The following ACAD11 variants were observed in gnomAD, a reference collection of about 807,000 sequenced individuals.
The protein encoded by ACAD11 is acyl-CoA dehydrogenase family member 11, also known as acyl-Coenzyme A dehydrogenase family, member 11.
In ACAD11, 83 loss-of-function variants were observed where a neutral mutation model predicts 102.2. That is an observed-to-expected ratio of 0.81 (90% CI 0.68 to 0.97). The LOEUF (loss-of-function observed/expected upper bound fraction) is 0.97. ACAD11 is among the 50% of genes least tolerant of loss of function. ACAD11 has a pLI of 0.00. For missense variants in ACAD11, 901 were observed against 951.7 expected, an observed-to-expected ratio of 0.95 and a Z score of 0.70; for synonymous variants, 324 against 319.8, an observed-to-expected ratio of 1.01 and a Z score of -0.14.
rs545326953 is a variant in ACAD11 at position 132,642,084 on chromosome 3, C to A, written c.425G>T (p.Arg142Leu). Reference protein sequence around the residue: ...LTIPGLSPAERSAIYVATVET... With the variant: ...LTIPGLSPAELSAIYVATVET... ...TACCGTGGCCACATATATGGCTGAA[C>A]GTTCTGCTGGGCTAAGTCCAGGAAT... is the stretch of plus-strand genomic sequence containing the variant. The change falls in exon 4 of 20, where the codon CGT (arginine) becomes CTT (leucine). Residue 142 changes from arginine (R) to leucine (L), a missense_variant. By Grantham distance (102) the Arg-to-Leu change is moderately radical (BLOSUM62 -2). Coordinates refer to ENST00000264990, the MANE Select transcript of ACAD11 (RefSeq NM_032169.5). The A allele has an allele frequency of 1.2e-6, 2 of 1,613,906 alleles. No individual in the cohort carries two copies. The highest frequency in any genetic ancestry group is 2.7e-5 in the African/African-American group (2 of 74,896).
intron 1 of ACAD11, among the ~76,000 whole-genome samples, chr3:132,645,674 G>GA (rs34243797): frequency 7.9e-5 from 12 of 151,540 alleles, no homozygotes; most frequent in East Asian, 7.7e-4. Context: ...GGAGAAAGTA[G>GA]AAAAAAAAAT....
chr3:132,616,424 A>G (rs868503156), intron 11 of ACAD11, among the ~76,000 whole-genome samples: 1 of 152,230 alleles, frequency 6.6e-6, no homozygotes, highest in Non-Finnish European at 1.5e-5. Flanking sequence ...TTAGTGCATC[A>G]TGAAATCAAC....
intron 17 of ACAD11, among the ~76,000 whole-genome samples, chr3:132,561,675 T>C (rs538583610): frequency 2.7e-4 from 41 of 152,302 alleles, no homozygotes; most frequent in Non-Finnish European, 4.6e-4. Context: ...CAATTTGCTG[T>C]GTTGTTATTG....
Position 132,576,251 on chromosome 3 carries a change from A to G in ACAD11, c.1847-325T>C, listed in dbSNP as rs191898944. On this transcript the variant is annotated intron_variant, in intron 16 of 19. Transcript: ENST00000264990. ...GTACTAGGAGTTTAGAATCCAGAAG[A>G]GTGGGTAAGGGTAAGAGATACAGAG... Among the ~76,000 whole-genome samples the G allele has an allele frequency of 2.8e-3, 426 of 152,316 alleles. 1 individual carries two copies. Among genetic ancestry groups the G allele is most frequent in the African/African-American group, 9.9e-3 (411 of 41,570 alleles).
intron 1 of ACAD11, among the ~76,000 whole-genome samples, chr3:132,647,646 T>A (rs1576621686): frequency 6.6e-6 from 1 of 152,100 alleles, no homozygotes; most frequent in Non-Finnish European, 1.5e-5. Flanking sequence ...CATGCCCCCA[T>A]TCCCCCTTGG....
chr3:132,618,927 G>GT, intron 10 of ACAD11, 155 bp from the exon 11 acceptor site: 1 of 590,760 alleles, frequency 1.7e-6, no homozygotes. Context: ...GCAAAACCAA[G>GT]TTCTTATTAA....
chr3:132,598,552 T>C (rs1250694010), intron 13 of ACAD11, among the ~76,000 whole-genome samples: 1 of 152,210 alleles, frequency 6.6e-6, no homozygotes, highest in Non-Finnish European at 1.5e-5. Context: ...TTCCACAGAA[T>C]GGATCAGTTC....
intron 4 of ACAD11, among the ~76,000 whole-genome samples, chr3:132,640,201 T>G (rs1320129782): frequency 6.6e-6 from 1 of 151,988 alleles, no homozygotes; most frequent in Non-Finnish European, 1.5e-5. Flanking sequence ...GTGATTCTCC[T>G]GCCTCAGCCT....
chr3:132,603,090 A>C (rs989928959), intron 13 of ACAD11, 139 bp downstream of exon 13: 6 of 724,236 alleles, frequency 8.3e-6, no homozygotes, highest in Non-Finnish European at 1.4e-5. Flanking sequence ...GGTGTTAGCC[A>C]CCGCACCTGG....
At chr3:132,565,691 G>C (rs895797246) in intron 17 of ACAD11, among the ~76,000 whole-genome samples, 1 of 152,252 alleles carries the variant, frequency 6.6e-6, no homozygotes, top group East Asian at 1.9e-4. Flanking sequence ...AGGGTCATGG[G>C]GGAATATCCC....
chr3:132,595,777 T>C (rs1938276649), intron 13 of ACAD11, among the ~76,000 whole-genome samples: 1 of 152,122 alleles, frequency 6.6e-6, no homozygotes, highest in South Asian at 2.1e-4. Flanking sequence ...ATGGCTATTA[T>C]TAAAAACTCA....
intron 11 of ACAD11, among the ~76,000 whole-genome samples, chr3:132,609,829 AG>A (rs1249230892): frequency 6.6e-6 from 1 of 152,212 alleles, no homozygotes; most frequent in Non-Finnish European, 1.5e-5. Flanking sequence ...CAACAAAAAA[AG>A]AAAATTTCAG....
intron 13 of ACAD11, among the ~76,000 whole-genome samples, chr3:132,585,728 A>C (rs1190791773): frequency 6.6e-6 from 1 of 152,274 alleles, no homozygotes; most frequent in East Asian, 1.9e-4. Context: ...CAGCCAAAAG[A>C]CACATGAAAA....
In ACAD11 at chr3:132,642,009, T is replaced by A; in HGVS notation, c.500A>T (p.Glu167Val). The change falls in exon 4 of 20, where the codon GAA becomes GTA. Residue 167 changes from glutamate (E) to valine (V), a missense_variant. By Grantham distance (121) the Glu-to-Val change is moderately radical (BLOSUM62 -2). Coordinates refer to ENST00000264990, the MANE Select transcript of ACAD11 (RefSeq NM_032169.5). ...HSLNIQSLQL[E>V]GYGIGAGYCK... is the part of the protein sequence containing the mutation. The stretch of plus-strand genomic sequence containing the variant: ...GTACCCAGCACCTATACCATATCCT[T>A]CCAGCTGCAGTGACTGTATATTCAA... 6.2e-7 allele frequency: 1 copy of A among 1,613,960 alleles called. No individual in the cohort carries two copies. Among genetic ancestry groups the A allele is most frequent in the Non-Finnish European group, 8.5e-7 (1 of 1,179,904 alleles).
chr3:132,634,721 C>T (rs1306386517), intron 5 of ACAD11, among the ~76,000 whole-genome samples: 3 of 152,196 alleles, frequency 2.0e-5, no homozygotes, highest in Non-Finnish European at 2.9e-5. Context: ...GAATACTATG[C>T]AGCCATAAAA....
intron 11 of ACAD11, among the ~76,000 whole-genome samples, chr3:132,616,090 CA>C (rs1243391276): frequency 6.6e-6 from 1 of 152,080 alleles, no homozygotes; most frequent in Non-Finnish European, 1.5e-5. Flanking sequence ...GGAAATGATC[CA>C]AAATGCAATG....
chr3:132,559,295 G>A (rs1315940700), intron 19 of ACAD11, among the ~76,000 whole-genome samples: 2 of 152,152 alleles, frequency 1.3e-5, no homozygotes, highest in Non-Finnish European at 2.9e-5. Context: ...AAATGCCAAA[G>A]TACAGTGGAG....
chr3:132,598,129 T>A (rs556062688), intron 13 of ACAD11, among the ~76,000 whole-genome samples: 1 of 152,274 alleles, frequency 6.6e-6, no homozygotes, highest in South Asian at 2.1e-4. Flanking sequence ...CATTATTGAT[T>A]CTATAAGAAT....
chr3:132,570,318 C>T (rs1002418016), intron 17 of ACAD11, among the ~76,000 whole-genome samples: 7 of 152,062 alleles, frequency 4.6e-5, no homozygotes, highest in African/African-American at 1.7e-4. Context: ...TTAAGCTAAA[C>T]ACAGAATTGG....
Sources: gnomAD v4.1 joint callset for allele counts (sites outside exome capture counted in the v4.1 genomes callset) on GRCh38, gnomAD v4.1.1 for gene constraint, MANE v1.5 for transcripts, NCBI Gene and HGNC (gene_info 2026-07-23, HGNC 2026-07-21) for gene names.